The following MEGF8 variants were observed in gnomAD, a reference collection of about 807,000 sequenced individuals.
MEGF8 encodes multiple EGF like domains 8, also known as multiple epidermal growth factor-like domains protein 8.
A neutral mutation model predicts 302.9 loss-of-function variants in MEGF8; 156 were observed. The ratio of observed to expected loss-of-function variants is 0.52; its 90% CI spans 0.45 to 0.59. The LOEUF (loss-of-function observed/expected upper bound fraction) is 0.59. Among genes scored for constraint, MEGF8 ranks in the 20% least tolerant of loss-of-function variants. The pLI, the probability that MEGF8 is intolerant of heterozygous loss-of-function variation, is 0.00. For synonymous variants in MEGF8, 1,621 were observed against 1,660.5 expected (o/e 0.98, Z 0.58); for missense variants, 3,345 against 3,964.5 (o/e 0.84, Z 4.20).
rs2039361431 is a variant in MEGF8, at chr19:42,351,022, G to A, written c.2737-194G>A. On this transcript the variant is annotated intron_variant, in intron 15 of 41. Transcript: ENST00000251268. This position sits in a 1 kb window ranked among gnomAD's most constrained non-coding sequence, Gnocchi z 5.6. ...AGAAGGGGTGCTATTGCCTAAAGGA[G>A]ACAGTGGGTGCTGGGCGGGCCGACC... 7 of 605,968 alleles carry A rather than the reference G, an allele frequency of 1.2e-5. No homozygotes were observed. The highest frequency in any genetic ancestry group is 2.1e-5 in the Non-Finnish European group (7 of 337,662). The allele number at this position is 605,968 out of a possible 1,614,324, so 37.5% of individuals were successfully genotyped here.
At chr19:42,364,573 G>A (rs1196492407) in intron 35 of MEGF8, among the ~76,000 whole-genome samples, 1 of 152,236 alleles carries the variant, frequency 6.6e-6, no homozygotes, top group Admixed American at 6.5e-5. Context: ...GAGACCAGGA[G>A]GGCAGGGTGT....
At position 42,348,307 on chromosome 19, in the gene MEGF8, A is replaced by G. The variant is rs1490154917; in HGVS notation, c.2133A>G (p.Thr711=). Residue 711 remains threonine (T), a synonymous_variant, in exon 13 of 42, where the codon ACA becomes ACG. Coordinates refer to ENST00000251268, the MANE Select transcript of MEGF8 (RefSeq NM_001271938.2). ...SIVRSTTITL[T]PSAETDVSLV... ...TCCGCAGCACGACCATCACCCTAACACCCAGCGCAGAGACAGATGTGTCCC... is the reference window on the plus strand; with the variant it reads ...TCCGCAGCACGACCATCACCCTAACGCCCAGCGCAGAGACAGATGTGTCCC... 1.3e-6 allele frequency: 2 copies of G among 1,537,432 alleles called. No homozygotes were observed. Among genetic ancestry groups the G allele is most frequent in the South Asian group, 2.4e-5 (2 of 84,054 alleles).
intron 1 of MEGF8, among the ~76,000 whole-genome samples, chr19:42,333,404 C>T (rs181221961): frequency 1.3e-5 from 2 of 152,356 alleles, no homozygotes; most frequent in African/African-American, 4.8e-5. Flanking sequence ...CTCTGGGCTC[C>T]TGTCCCTCTG....
rs548945656 is a variant in MEGF8 at position 42,335,051 on chromosome 19, G to T, written c.575G>T (p.Arg192Leu). The T allele has an allele frequency of 3.7e-6, 6 of 1,612,868 alleles. No individual in the cohort carries two copies. The highest frequency in any genetic ancestry group is 4.2e-6 in the Non-Finnish European group (5 of 1,179,448). ...TTCCCGCAGCCCCTGGGACCATGCC[G>T]CTGTGAGCCTGGCTTCTTGGGACGT... ...GTCASPLGPCRCEPGFLGRAC... is the reference protein window; with the variant it reads ...GTCASPLGPCLCEPGFLGRAC... Residue 192 changes from arginine (R) to leucine (L), a missense_variant, in exon 4 of 42, where the codon CGC becomes CTC. By Grantham distance (102) the Arg-to-Leu change is moderately radical (BLOSUM62 -2). Coordinates refer to ENST00000251268, the MANE Select transcript of MEGF8 (RefSeq NM_001271938.2).
intron 8 of MEGF8, among the ~76,000 whole-genome samples, chr19:42,337,600 G>A (rs781781635): frequency 1.3e-5 from 2 of 151,154 alleles, no homozygotes; most frequent in Non-Finnish European, 2.9e-5. Flanking sequence ...CCACCCCCCG[G>A]GTTTCACGCC....
intron 30 of MEGF8, 51 bp downstream of exon 30, chr19:42,359,005 T>C (rs1485748547): frequency 6.3e-7 from 1 of 1,576,574 alleles, no homozygotes; most frequent in African/African-American, 1.4e-5. Flanking sequence ...GGGGGATAGG[T>C]AGGGAAGTAC....
intron 31 of MEGF8, among the ~76,000 whole-genome samples, chr19:42,360,087 A>G (rs190447635): frequency 6.6e-6 from 1 of 151,570 alleles, no homozygotes; most frequent in African/African-American, 2.4e-5. Context: ...GTCACATAAC[A>G]TAAAATTAAC....
chr19:42,335,813 GTC>G (rs2039119568), intron 5 of MEGF8, 116 bp from the exon 6 acceptor site: 1 of 960,142 alleles, frequency 1.0e-6, no homozygotes, highest in African/African-American at 1.7e-5. Flanking sequence ...CTTTCTCTTT[GTC>G]TCTGTCTTTA....
chr19:42,367,223 G>A (rs923587764), intron 35 of MEGF8, among the ~76,000 whole-genome samples: 1 of 151,954 alleles, frequency 6.6e-6, no homozygotes, highest in Non-Finnish European at 1.5e-5. Flanking sequence ...GGTTCTCAGT[G>A]TGGGGTAAGA....
At chr19:42,341,259 G>A (rs536818509) in intron 8 of MEGF8, among the ~76,000 whole-genome samples, 1 of 152,118 alleles carries the variant, frequency 6.6e-6, no homozygotes, top group South Asian at 2.1e-4. Flanking sequence ...GTGAAACCCT[G>A]TCTCTACTAA....
chr19:42,363,010 C>T (rs2039555590), intron 34 of MEGF8, 38 bp from the exon 35 acceptor site: 3 of 1,571,308 alleles, frequency 1.9e-6, no homozygotes, highest in Middle Eastern at 2.0e-4. Flanking sequence ...TTGCGATCTC[C>T]TGGGTCTGAG....
chr19:42,336,029 C>T lies in MEGF8; in HGVS notation c.927C>T (p.Ala309=), dbSNP rs778694669. Residue 309 remains alanine, a synonymous_variant, in exon 6 of 42, where the codon GCC becomes GCT. Transcript: ENST00000251268. This position sits in a 1 kb window ranked among gnomAD's most constrained non-coding sequence, Gnocchi z 4.8. ...ADGSLTNDVW[A]FSPLGRGHWE... ...GCTCGCTCACCAACGACGTGTGGGC[C>T]TTCAGTCCACTGGGCAGGGGCCACT... The T allele has an allele frequency of 1.3e-6, 2 of 1,566,618 alleles. No individual in the cohort carries two copies. Among genetic ancestry groups the T allele is most frequent in the Non-Finnish European group, 1.7e-6 (2 of 1,159,870 alleles).
In MEGF8 at chr19:42,351,523, C is replaced by T. The variant is rs1455864571; in HGVS notation, c.2950C>T (p.Arg984Trp). The part of the protein sequence containing the change: ...TCFLFAAYLA[R>W]YPHGGCRGWD... Reference sequence around the variant, plus strand: ...CTTCCTGTTTGCTGCCTACTTGGCCCGGTACCCACACGGGGGCTGTCGAGG... The same window carrying T: ...CTTCCTGTTTGCTGCCTACTTGGCCTGGTACCCACACGGGGGCTGTCGAGG... Residue 984 changes from arginine (R) to tryptophan (W), a missense_variant, in exon 17 of 42, where the codon CGG becomes TGG. Coordinates refer to ENST00000251268, the MANE Select transcript of MEGF8 (RefSeq NM_001271938.2). This position sits in a 1 kb window ranked among gnomAD's most constrained non-coding sequence, Gnocchi z 5.6. The T allele has an allele frequency of 3.7e-6, 6 of 1,608,382 alleles. No homozygotes were observed. The highest frequency in any genetic ancestry group is 1.3e-5 in the African/African-American group (1 of 74,810).
In MEGF8 at chr19:42,349,555, C is replaced by T; in HGVS notation, c.2355C>T (p.Arg785=). 6.2e-7 allele frequency: 1 copy of T among 1,612,116 alleles called. No individual in the cohort carries two copies. The highest frequency in any genetic ancestry group is 8.5e-7 in the Non-Finnish European group (1 of 1,179,824). Residue 785 remains arginine, a synonymous_variant, in exon 14 of 42, where the codon CGC becomes CGT. Transcript: ENST00000251268. ...HQEKETRRLQ[R]PGSARLFPLP... is the part of the protein sequence containing the mutation. ...AGAAGGAGACGCGGCGGCTGCAGCG[C>T]CCTGGGTCTGCTCGCCTCTTCCCTC...
At position 42,336,844 on chromosome 19, in the gene MEGF8, G is replaced by A. The variant is rs200630623; in HGVS notation, c.1282G>A (p.Val428Met). The A allele has an allele frequency of 1.7e-5, 28 of 1,608,522 alleles. No homozygotes were observed. The highest frequency in any genetic ancestry group is 4.5e-5 in the East Asian group (2 of 44,762). ...AGTGAACTCCACTGAGCTTTTCCAC[G>A]TGGATCGGCATGTGTGGACGACGCT... ...VRVNSTELFH[V>M]DRHVWTTLKG... Residue 428 changes from valine (V) to methionine (M), a missense_variant, in exon 7 of 42, where the codon GTG becomes ATG. Physicochemically the swap from Val to Met is conservative, Grantham distance 21 (BLOSUM62 1). Transcript: ENST00000251268. The surrounding 1 kb of genome is among the most constrained non-coding windows in gnomAD (Gnocchi z 4.8).
Position 42,343,998 on chromosome 19 carries a change from C to T in MEGF8, c.1713C>T (p.Cys571=), listed in dbSNP as rs1480728510. The T allele has an allele frequency of 1.2e-6, 2 of 1,613,802 alleles. No individual in the cohort carries two copies. Among genetic ancestry groups the T allele is most frequent in the Non-Finnish European group, 1.7e-6 (2 of 1,179,784 alleles). The change falls in exon 10 of 42, where the codon TGC becomes TGT. Residue 571 remains cysteine (C), a synonymous_variant. Coordinates refer to ENST00000251268, the MANE Select transcript of MEGF8 (RefSeq NM_001271938.2). ...YCSMYTDHSV[C]SRDPECSWCQ... is the part of the protein sequence containing the mutation. The stretch of plus-strand genomic sequence containing the variant: ...CCATGTACACAGACCACAGCGTCTG[C>T]TCCCGGGACCCGGAATGCAGTTGGT...
rs777944709 is a variant in MEGF8 at position 42,335,187 on chromosome 19, C to T, written c.711C>T (p.Ser237=). The T allele has an allele frequency of 1.2e-6, 2 of 1,613,966 alleles. No individual in the cohort carries two copies. Among genetic ancestry groups the T allele is most frequent in the Non-Finnish European group, 1.7e-6 (2 of 1,179,864 alleles). Residue 237 remains serine, a synonymous_variant, in exon 4 of 42, where the codon TCC becomes TCT. Coordinates refer to ENST00000251268, the MANE Select transcript of MEGF8 (RefSeq NM_001271938.2). ...TTGGGGCAGCTGGCGCCTTCCTGTC[C>T]CCACCAGGGCTGCTGGCAGTTTTCG... ...ARIGAAGAFL[S]PPGLLAVFGG... is the part of the protein sequence containing the mutation.
At chr19:42,331,368 GCAGAGCCAGAGC>G (rs929569321) in intron 1 of MEGF8, among the ~76,000 whole-genome samples, 1 of 152,108 alleles carries the variant, frequency 6.6e-6, no homozygotes, top group South Asian at 2.1e-4. Context: ...CTGGTCATGG[GCAGAGCCAGAGC>G]CAGAGCCAGA....
chr19:42,352,551 G>A lies in MEGF8; in HGVS notation c.3350+95G>A. 2.1e-6 allele frequency: 3 copies of A among 1,436,568 alleles called. No individual in the cohort carries two copies. Among genetic ancestry groups the A allele is most frequent in the Non-Finnish European group, 2.8e-6 (3 of 1,076,308 alleles). 89.0% of individuals were successfully genotyped at this position (1,436,568 alleles called of 1,614,324 possible). A position where few individuals can be genotyped will look rare whatever the true frequency, so the allele number is the denominator to read the frequency against. On this transcript the variant is annotated intron_variant, in intron 19 of 41. Transcript: ENST00000251268. This position sits in a 1 kb window ranked among gnomAD's most constrained non-coding sequence, Gnocchi z 4.4. ...CCATCATGGCGCTGGGTCCCCTCCT[G>A]TGGAACCAGCATCCCCAGTTAGCCA... is the stretch of plus-strand genomic sequence containing the variant.
Sources: gnomAD v4.1 joint callset for allele counts (sites outside exome capture counted in the v4.1 genomes callset) on GRCh38, gnomAD v4.1.1 for gene constraint, Gnocchi (gnomAD v3.1) non-coding constraint, MANE v1.5 for transcripts, NCBI Gene and HGNC (gene_info 2026-07-23, HGNC 2026-07-21) for gene names.